The following SPAG16 variants were observed in gnomAD, a reference collection of about 807,000 sequenced individuals.
SPAG16 encodes the protein sperm-associated antigen 16 protein.
A neutral mutation model predicts 80.4 loss-of-function variants in SPAG16; 86 were observed. The ratio of observed to expected loss-of-function variants is 1.07; its 90% CI spans 0.90 to 1.28. The LOEUF is 1.28. Among genes scored for constraint, SPAG16 ranks in the 50% most tolerant of loss-of-function variants. SPAG16 has a pLI of 0.00. For synonymous variants in SPAG16, 294 were observed against 265.9 expected (o/e 1.11, Z -1.03); for missense variants, 870 against 765.3 (o/e 1.14, Z -1.61).
chr2:213,959,623 A>C (rs1026337428), intron 12 of SPAG16, among the ~76,000 whole-genome samples: 3 of 152,182 alleles, frequency 2.0e-5, no homozygotes, highest in Non-Finnish European at 4.4e-5. Context: ...CATGGACTTT[A>C]CTGAAGGCAT....
At chr2:213,601,117 G>T (rs992762461) in intron 10 of SPAG16, among the ~76,000 whole-genome samples, 1 of 152,198 alleles carries the variant, frequency 6.6e-6, no homozygotes, top group Non-Finnish European at 1.5e-5. Flanking sequence ...TGTTGGGCCT[G>T]CAGAAGAGGC....
intron 15 of SPAG16, among the ~76,000 whole-genome samples, chr2:214,342,807 G>T (rs952693732): frequency 2.6e-5 from 4 of 152,010 alleles, no homozygotes; most frequent in Non-Finnish European, 5.9e-5. Flanking sequence ...AATCTATTTG[G>T]CCTATTATTA....
At chr2:213,838,471 C>T (rs1224219123) in intron 10 of SPAG16, among the ~76,000 whole-genome samples, 1 of 152,192 alleles carries the variant, frequency 6.6e-6, no homozygotes, top group Non-Finnish European at 1.5e-5. Context: ...CTGCGCTGGG[C>T]CATCTCTGAC....
intron 15 of SPAG16, among the ~76,000 whole-genome samples, chr2:214,187,416 A>T (rs1456569375): frequency 6.6e-6 from 1 of 152,154 alleles, no homozygotes; most frequent in Admixed American, 6.6e-5. Flanking sequence ...TGGCAAACAA[A>T]TGTTTTCCTT....
chr2:213,702,487 A>G (rs932602987), intron 10 of SPAG16, among the ~76,000 whole-genome samples: 9 of 152,194 alleles, frequency 5.9e-5, no homozygotes, highest in Non-Finnish European at 1.2e-4. Context: ...AGGAACAAAC[A>G]ACTCCAGCCA....
At chr2:213,391,406 G>C (rs989025266) in intron 9 of SPAG16, among the ~76,000 whole-genome samples, 1 of 152,110 alleles carries the variant, frequency 6.6e-6, no homozygotes, top group Non-Finnish European at 1.5e-5. Flanking sequence ...ATTGTATTAT[G>C]TACTTTGGCA....
intron 12 of SPAG16, among the ~76,000 whole-genome samples, chr2:214,009,300 T>C (rs1212074561): frequency 6.6e-6 from 1 of 152,068 alleles, no homozygotes. Flanking sequence ...TCAGTGAAAC[T>C]TCAGTTCTAC....
chr2:214,349,748 T>C (rs1233585130), intron 15 of SPAG16, among the ~76,000 whole-genome samples: 1 of 152,220 alleles, frequency 6.6e-6, no homozygotes, highest in Admixed American at 6.5e-5. Context: ...AAATGTAGTG[T>C]TGTCAATCTT....
intron 9 of SPAG16, among the ~76,000 whole-genome samples, chr2:213,479,135 A>T (rs1575699095): frequency 1.4e-5 from 1 of 73,544 alleles, no homozygotes. Context: ...TGCCACATTT[A>T]CTCTTAAATT....
chr2:213,761,697 A>G (rs1170161856), intron 10 of SPAG16, among the ~76,000 whole-genome samples: 1 of 151,938 alleles, frequency 6.6e-6, no homozygotes. Flanking sequence ...CATCTGTACT[A>G]AAACTACAAA....
At chr2:214,307,110 C>T (rs1322925047) in intron 15 of SPAG16, among the ~76,000 whole-genome samples, 4 of 151,886 alleles carry the variant, frequency 2.6e-5, no homozygotes, top group Admixed American at 6.6e-5. Flanking sequence ...GGCTCAGTCT[C>T]GGGAAGAGGT....
At chr2:214,198,235 C>T (rs2057902847) in intron 15 of SPAG16, among the ~76,000 whole-genome samples, 1 of 151,938 alleles carries the variant, frequency 6.6e-6, no homozygotes, top group Non-Finnish European at 1.5e-5. Context: ...TCTTTTATCC[C>T]TCACCTCTCT....
chr2:213,295,917 A>G (rs1287675730), intron 1 of SPAG16, 147 bp from the exon 2 acceptor site: 1 of 557,650 alleles, frequency 1.8e-6, no homozygotes, highest in Non-Finnish European at 3.1e-6. Context: ...TATGGGGAAG[A>G]CAAATTTTTT....
intron 10 of SPAG16, among the ~76,000 whole-genome samples, chr2:213,684,518 C>G (rs534720481): frequency 2.0e-5 from 3 of 152,194 alleles, no homozygotes; most frequent in African/African-American, 7.2e-5. Context: ...AAAGTTAATC[C>G]TATTTAAAAT....
chr2:213,301,665 A>G (rs1321473250), intron 3 of SPAG16, among the ~76,000 whole-genome samples: 1 of 152,074 alleles, frequency 6.6e-6, no homozygotes. Flanking sequence ...GCTTCCTTCT[A>G]TTCCCACCTA....
In SPAG16 at chr2:213,329,191, G is replaced by A. The variant is rs574042558; in HGVS notation, c.537-10972G>A. On this transcript the variant is annotated intron_variant, in intron 5 of 15. Transcript: ENST00000331683. ...AATTGGTACCAGTATAGTGGGCATT[G>A]CTGAAAAGATACCAGAAAATGTGAA... 2.0e-5 allele frequency among the ~76,000 whole-genome samples: 3 copies of A among 152,280 alleles called. No individual in the cohort carries two copies. The East Asian group carries it at 5.8e-4, about 29-fold the overall frequency.
At chr2:213,953,881 G>A (rs183482977) in intron 12 of SPAG16, among the ~76,000 whole-genome samples, 3 of 152,054 alleles carry the variant, frequency 2.0e-5, no homozygotes, top group African/African-American at 4.8e-5. Context: ...AAGAAAAGGC[G>A]ATGTAATGAA....
At chr2:213,774,570 A>G (rs1484084323) in intron 10 of SPAG16, among the ~76,000 whole-genome samples, 1 of 152,136 alleles carries the variant, frequency 6.6e-6, no homozygotes, top group Non-Finnish European at 1.5e-5. Context: ...TCATATTCTG[A>G]GTTAATGGGG....
At chr2:214,088,608 T>G (rs1001494613) in intron 13 of SPAG16, among the ~76,000 whole-genome samples, 6 of 152,108 alleles carry the variant, frequency 3.9e-5, no homozygotes, top group African/African-American at 1.4e-4. Flanking sequence ...ACTCAATATT[T>G]TTTGAAAGAA....
Sources: gnomAD v4.1 joint callset for allele counts (sites outside exome capture counted in the v4.1 genomes callset) on GRCh38, gnomAD v4.1.1 for gene constraint, MANE v1.5 for transcripts, NCBI Gene and HGNC (gene_info 2026-07-23, HGNC 2026-07-21) for gene names.